Variants in RASSF4 observed in about 807,000 individuals in gnomAD.
RASSF4 encodes ras association domain-containing protein 4.
Under a neutral mutation model 41.1 loss-of-function variants are expected in RASSF4, and 38 were observed. That is an observed-to-expected ratio of 0.92 (90% CI 0.71 to 1.21). The LOEUF is 1.21. Ranked by LOEUF, RASSF4 falls within the 50% of genes most tolerant of loss-of-function variation. The probability of loss-of-function intolerance (pLI) is 0.00; values close to 1 mark genes in which losing one functional copy is unlikely to be tolerated. For synonymous variants in RASSF4, 179 were observed against 163.4 expected (o/e 1.10, Z -0.73); for missense variants, 414 against 419.4 (o/e 0.99, Z 0.11).
At chr10:44,975,237 G>A (rs1481274681) in intron 3 of RASSF4, among the ~76,000 whole-genome samples, 2 of 152,118 alleles carry the variant, frequency 1.3e-5, no homozygotes, top group African/African-American at 4.8e-5. Flanking sequence ...TCCCAGGGGT[G>A]CGGAAAACCA....
chr10:44,982,529 G>A lies in RASSF4; in HGVS notation c.147G>A (p.Gly49=), dbSNP rs1841756619. The change falls in exon 4 of 11, where the codon GGG becomes GGA. Residue 49 remains glycine, a synonymous_variant. Transcript: ENST00000340258. ...SFQLRHREEE[G]TLIIEGLLNI... is the part of the protein sequence containing the mutation. The stretch of plus-strand genomic sequence containing the variant: ...TGTGTGGACCCCCACAGGAAGAAGG[G>A]ACTCTGATCATCGAGGGGCTCCTCA... The A allele has an allele frequency of 1.9e-6, 3 of 1,611,742 alleles. No homozygotes were observed. Among genetic ancestry groups the A allele is most frequent in the Admixed American group, 1.7e-5 (1 of 59,460 alleles).
rs1468137492 is a variant in RASSF4, at chr10:44,959,871, G to C, written c.-39+5G>C. The C allele has an allele frequency of 6.6e-6, 1 of 152,428 alleles. No homozygotes were observed. Among genetic ancestry groups the C allele is most frequent in the East Asian group, 1.9e-4 (1 of 5,190 alleles). 9.4% of individuals were successfully genotyped at this position (152,428 alleles called of 1,614,324 possible). Reference sequence around the variant, plus strand: ...GGACTGCGCGATGACTGGACGGTGAGTGATGAACGAGCAGGAGAGTGCTTG... The same window carrying C: ...GGACTGCGCGATGACTGGACGGTGACTGATGAACGAGCAGGAGAGTGCTTG... On this transcript the variant is annotated splice_donor_5th_base_variant and intron_variant, in intron 1 of 10. Transcript: ENST00000340258.
chr10:44,984,154 CG>C, intron 5 of RASSF4, 41 bp downstream of exon 5: 2 of 1,535,496 alleles, frequency 1.3e-6, no homozygotes, highest in Non-Finnish European at 1.8e-6. Context: ...CTGCCTCATC[CG>C]GGGTAGGAGC....
chr10:44,990,907 C>G, intron 8 of RASSF4, 41 bp from the exon 9 acceptor site: 1 of 1,598,800 alleles, frequency 6.3e-7, no homozygotes, highest in East Asian at 2.2e-5. Flanking sequence ...CAGAGGTGAT[C>G]CTAATCTCCC....
chr10:44,964,203 G>A (rs1840814874), intron 1 of RASSF4, among the ~76,000 whole-genome samples: 1 of 152,270 alleles, frequency 6.6e-6, no homozygotes, highest in African/African-American at 2.4e-5. Flanking sequence ...TGGAAAGGGA[G>A]AACAACTCAC....
At chr10:44,980,145 A>C (rs1841642008) in intron 3 of RASSF4, among the ~76,000 whole-genome samples, 2 of 152,114 alleles carry the variant, frequency 1.3e-5, no homozygotes, top group Non-Finnish European at 1.5e-5. Context: ...CAGACTCCCT[A>C]GGCAAGCAAG....
rs78599709 is a variant in RASSF4, at chr10:44,993,254, G to A, written c.906-15G>A. ...TCTGGCCTCAGTGAGTCCTCTTGGC[G>A]ATGTCTCCCTCCAGGTTCCAAGCCC... On this transcript the variant is annotated splice_polypyrimidine_tract_variant and intron_variant, in intron 10 of 10. Transcript: ENST00000340258. 2.5e-4 allele frequency: 403 copies of A among 1,609,492 alleles called. 1 individual carries two copies. In the East Asian group the frequency reaches 8.5e-3, roughly 34 times the overall value.
intron 1 of RASSF4, among the ~76,000 whole-genome samples, chr10:44,963,982 T>A (rs1840806416): frequency 6.6e-6 from 1 of 152,244 alleles, no homozygotes; most frequent in Non-Finnish European, 1.5e-5. Flanking sequence ...CTCGGCATCT[T>A]CTGTTCCTTT....
At chr10:44,967,171 CCA>C (rs1840932715) in intron 1 of RASSF4, among the ~76,000 whole-genome samples, 1 of 152,160 alleles carries the variant, frequency 6.6e-6, no homozygotes, top group Admixed American at 6.5e-5. Flanking sequence ...CAGTTCTGGT[CCA>C]CAGTCACTCA....
intron 10 of RASSF4, 151 bp from the exon 11 acceptor site, chr10:44,993,118 G>T (rs919826989): frequency 1.6e-6 from 1 of 643,706 alleles, no homozygotes; most frequent in Non-Finnish European, 2.7e-6. Context: ...CTCATGAGGC[G>T]CAGGCCACAG....
At chr10:44,977,310 CA>C (rs771493510) in intron 3 of RASSF4, 2 of 1,487,420 alleles carry the variant, frequency 1.3e-6, no homozygotes. Context: ...AGAGACCTGC[CA>C]GGGGCAGTGA....
intron 8 of RASSF4, among the ~76,000 whole-genome samples, chr10:44,990,033 C>T (rs1242148151): frequency 6.6e-6 from 1 of 152,240 alleles, no homozygotes; most frequent in Non-Finnish European, 1.5e-5. Flanking sequence ...GAAGGAGAAT[C>T]CCACCAAGCT....
intron 6 of RASSF4, among the ~76,000 whole-genome samples, chr10:44,988,804 C>T (rs774496683): frequency 1.1e-4 from 16 of 152,120 alleles, no homozygotes; most frequent in East Asian, 3.9e-4. Context: ...GTGCAGACTA[C>T]GGATTAGAGG....
At chr10:44,963,405 T>G (rs560036227) in intron 1 of RASSF4, among the ~76,000 whole-genome samples, 1 of 152,308 alleles carries the variant, frequency 6.6e-6, no homozygotes, top group South Asian at 2.1e-4. Context: ...CTGCAACTTC[T>G]TCACTGGCCA....
Position 44,993,274 on chromosome 10 carries a change from A to G in RASSF4, c.911A>G (p.Gln304Arg), listed in dbSNP as rs750674835. The G allele has an allele frequency of 1.9e-6, 3 of 1,609,734 alleles. No individual in the cohort carries two copies. In the South Asian group the frequency reaches 3.3e-5, roughly 18 times the overall value. Residue 304 changes from glutamine (Q) to arginine (R), a missense_variant, in exon 11 of 11, where the codon CAA (glutamine) becomes CGA (arginine). Coordinates refer to ENST00000340258, the MANE Select transcript of RASSF4 (RefSeq NM_032023.4). ...REIIKLTMKF[Q>R]ALRLTMLQRL... ...TTGGCGATGTCTCCCTCCAGGTTCC[A>G]AGCCCTGCGTCTGACGATGCTGCAG... is the stretch of plus-strand genomic sequence containing the variant.
chr10:44,982,173 T>C (rs1014288771), intron 3 of RASSF4: 3 of 329,552 alleles, frequency 9.1e-6, no homozygotes, highest in Non-Finnish European at 1.7e-5. Context: ...AGAGGTCCCC[T>C]GCTTGGCATG....
At chr10:44,963,647 C>A (rs1010181461) in intron 1 of RASSF4, among the ~76,000 whole-genome samples, 1 of 152,240 alleles carries the variant, frequency 6.6e-6, no homozygotes, top group African/African-American at 2.4e-5. Flanking sequence ...GTGCCCCACA[C>A]ACTTGTCCTC....
chr10:44,977,761 A>G (rs1588822214), intron 3 of RASSF4: 4 of 1,601,108 alleles, frequency 2.5e-6, no homozygotes, highest in Non-Finnish European at 3.4e-6. Flanking sequence ...GCTGCTGGCC[A>G]CTGAAACGTG....
intron 10 of RASSF4, 114 bp downstream of exon 10, chr10:44,992,116 G>A: frequency 1.5e-6 from 1 of 665,066 alleles, no homozygotes; most frequent in Non-Finnish European, 2.6e-6. Context: ...CAGTACCCTG[G>A]TACGGGAAGG....
Sources: allele counts gnomAD v4.1 joint callset (sites outside exome capture counted in the v4.1 genomes callset), GRCh38; gene constraint gnomAD v4.1.1; transcripts MANE v1.5; gene names NCBI Gene and HGNC (gene_info 2026-07-23, HGNC 2026-07-21).